The following HYCC2 variants were observed in gnomAD, a reference collection of about 807,000 sequenced individuals.
HYCC2 encodes hyccin PI4KA lipid kinase complex subunit 2.
At chr2:201,063,675 G>A in the HYCC2 span, 9 of 1,575,976 alleles carry the variant, frequency 5.7e-6, no homozygotes, top group African/African-American at 2.7e-5. Flanking sequence ...CAAAGAGGTC[G>A]AAGTGGTTCT....
chr2:200,976,488 G>C, the HYCC2 span: 3 of 152,096 alleles, frequency 2.0e-5, no homozygotes, highest in East Asian at 5.8e-4. Context: ...CGAGACAACT[G>C]ATTGTCAACA....
At chr2:201,053,458 C>T in the HYCC2 span, among the ~76,000 whole-genome samples, 3 of 152,180 alleles carry the variant, frequency 2.0e-5, no homozygotes, top group African/African-American at 2.4e-5. Context: ...AACTATCCCA[C>T]GTAATGCAAA....
the HYCC2 span, among the ~76,000 whole-genome samples, chr2:201,067,473 T>A: frequency 2.6e-5 from 4 of 152,216 alleles, no homozygotes; most frequent in Non-Finnish European, 4.4e-5. Flanking sequence ...ATTCTATAAA[T>A]AATCAAAGTC....
chr2:200,997,725 A>G, the HYCC2 span, among the ~76,000 whole-genome samples: 1 of 152,154 alleles, frequency 6.6e-6, no homozygotes, highest in African/African-American at 2.4e-5. Context: ...TCATCTTGTC[A>G]TCTATATTTC....
the HYCC2 span, chr2:200,976,203 A>G: frequency 6.6e-6 from 1 of 152,164 alleles, no homozygotes; most frequent in East Asian, 1.9e-4. Flanking sequence ...AAAAAGTCTC[A>G]TGTTCAGACT....
chr2:201,029,686 G>A, the HYCC2 span, among the ~76,000 whole-genome samples: 12 of 152,058 alleles, frequency 7.9e-5, no homozygotes, highest in Non-Finnish European at 1.2e-4. Context: ...AGGACAGAAA[G>A]CCAAACACCA....
At chr2:201,022,052 G>A in the HYCC2 span, 9 of 1,287,998 alleles carry the variant, frequency 7.0e-6, no homozygotes, top group South Asian at 7.4e-5. Flanking sequence ...GGTTAGGAGA[G>A]GATTACCTGA....
the HYCC2 span, among the ~76,000 whole-genome samples, chr2:200,991,515 G>A: frequency 6.6e-6 from 1 of 151,410 alleles, no homozygotes; most frequent in East Asian, 1.9e-4. Context: ...GTTGCAGTGA[G>A]CTGAGATAGC....
the HYCC2 span, chr2:200,988,465 C>A: frequency 4.6e-6 from 7 of 1,507,924 alleles, no homozygotes; most frequent in Non-Finnish European, 5.4e-6. Flanking sequence ...AATCAATATG[C>A]AGTTTTTGTT....
At chr2:201,035,112 G>A in the HYCC2 span, among the ~76,000 whole-genome samples, 5 of 152,120 alleles carry the variant, frequency 3.3e-5, no homozygotes, top group African/African-American at 7.2e-5. Context: ...GTATCTTTGT[G>A]GCGTTCTCTG....
chr2:201,047,882 A>G, the HYCC2 span, among the ~76,000 whole-genome samples: 1 of 148,266 alleles, frequency 6.7e-6, no homozygotes, highest in Non-Finnish European at 1.5e-5. Context: ...GTGAAATTTT[A>G]AAATTTGCAA....
the HYCC2 span, among the ~76,000 whole-genome samples, chr2:201,064,597 C>T: frequency 6.6e-6 from 1 of 152,010 alleles, no homozygotes; most frequent in Non-Finnish European, 1.5e-5. Flanking sequence ...AAAGGGATTA[C>T]CCAAGCAAAA....
chr2:201,009,101 G>C, the HYCC2 span: 19 of 1,467,860 alleles, frequency 1.3e-5, no homozygotes, highest in East Asian at 4.3e-4. Context: ...ACAAAAATAA[G>C]GTACAGTATG....
At chr2:201,019,789 T>C in the HYCC2 span, among the ~76,000 whole-genome samples, 1 of 150,278 alleles carries the variant, frequency 6.7e-6, no homozygotes, top group Non-Finnish European at 1.5e-5. Flanking sequence ...CAATGCTATG[T>C]GTTAAAATCT....
At chr2:201,026,186 T>G in the HYCC2 span, among the ~76,000 whole-genome samples, 54 of 152,150 alleles carry the variant, frequency 3.5e-4, no homozygotes, top group African/African-American at 1.3e-3. Context: ...AAAACAGACT[T>G]TAAACCAACA....
the HYCC2 span, chr2:201,066,982 CA>C: frequency 3.4e-6 from 1 of 296,312 alleles, no homozygotes; most frequent in Non-Finnish European, 6.6e-6. Context: ...CAGAGTTCAC[CA>C]TGAAGAAGAT....
the HYCC2 span, among the ~76,000 whole-genome samples, chr2:201,056,201 A>AAAT: frequency 2.7e-5 from 4 of 150,228 alleles, no homozygotes; most frequent in African/African-American, 1.0e-4. Context: ...CTCAAAAAAA[A>AAAT]AAATAAATAA....
the HYCC2 span, chr2:201,063,746 A>G: frequency 5.0e-6 from 8 of 1,587,264 alleles, no homozygotes; most frequent in Admixed American, 1.7e-5. Context: ...TGGTCATGGA[A>G]GAAACTTCAG....
the HYCC2 span, among the ~76,000 whole-genome samples, chr2:201,059,515 A>G: frequency 6.6e-6 from 1 of 152,108 alleles, no homozygotes; most frequent in Non-Finnish European, 1.5e-5. Context: ...CTTCTTAATG[A>G]CAGAGAGTGA....
Sources: allele counts gnomAD v4.1 joint callset (sites outside exome capture counted in the v4.1 genomes callset), GRCh38; gene constraint gnomAD v4.1.1; transcripts MANE v1.5; gene names NCBI Gene and HGNC (gene_info 2026-07-23, HGNC 2026-07-21).